UBE2L3: variants seen among roughly 807,000 people sequenced by gnomAD.
The protein encoded by UBE2L3 is ubiquitin conjugating enzyme E2 L3, also known as ubiquitin-conjugating enzyme E2 L3.
A neutral mutation model predicts 17.8 loss-of-function variants in UBE2L3; 1 was observed. The ratio of observed to expected loss-of-function variants is 0.06; its 90% CI spans 0.02 to 0.27. UBE2L3 has a LOEUF of 0.27. UBE2L3 is among the 10% of genes least tolerant of loss of function. UBE2L3 has a pLI of 1.00. For missense variants in UBE2L3, 40 were observed against 192.6 expected (o/e 0.21, Z 4.69); for synonymous variants, 44 against 68.5 (o/e 0.64, Z 1.76).
chr22:21,573,533 C>T (rs959412828), intron 1 of UBE2L3, among the ~76,000 whole-genome samples: 3 of 152,178 alleles, frequency 2.0e-5, no homozygotes, highest in African/African-American at 4.8e-5. Context: ...TGCTAGATGT[C>T]TGCCACCTGA....
chr22:21,617,265 G>GT (rs1281940008), intron 3 of UBE2L3, among the ~76,000 whole-genome samples: 2 of 151,440 alleles, frequency 1.3e-5, no homozygotes, highest in East Asian at 1.9e-4. Context: ...TGGGTTTTTT[G>GT]TTTTTTGTTT....
intron 1 of UBE2L3, among the ~76,000 whole-genome samples, chr22:21,591,839 A>G (rs1201778074): frequency 6.6e-6 from 1 of 152,078 alleles, no homozygotes; most frequent in African/African-American, 2.4e-5. Context: ...ACAGGTGTGG[A>G]GGCGGCTTTT....
intron 1 of UBE2L3, among the ~76,000 whole-genome samples, chr22:21,561,892 CCCAGGG>C (rs1300070231): frequency 2.6e-5 from 4 of 152,196 alleles, no homozygotes; most frequent in African/African-American, 9.6e-5. Context: ...GGCCACTTCT[CCCAGGG>C]CCACAGTTTT....
Position 21,610,568 on chromosome 22 carries a change from C to T in UBE2L3, c.124-289C>T, listed in dbSNP as rs118017448. On this transcript the variant is annotated intron_variant, in intron 2 of 3. Coordinates refer to ENST00000342192, the MANE Select transcript of UBE2L3 (RefSeq NM_003347.4). ...GGTATTTAGGAATTCTCTGTCCTTTCCTCTCAGTTTTGCTGTATACCTAAA... is the reference window on the plus strand; with the variant it reads ...GGTATTTAGGAATTCTCTGTCCTTTTCTCTCAGTTTTGCTGTATACCTAAA... Among the ~76,000 whole-genome samples the T allele has an allele frequency of 3.5e-4, 53 of 152,218 alleles. 1 individual carries two copies. In the East Asian group the frequency reaches 8.7e-3, roughly 25 times the overall value.
rs550249843 is a variant in UBE2L3 at position 21,589,435 on chromosome 22, C to T, written c.28-3426C>T. On this transcript the variant is annotated intron_variant, in intron 1 of 3. Transcript: ENST00000342192. ...ATGCTGGGATTACAGGCGTGAACCACTGCGCCCGGCATGATTGGCATTTTG... is the reference window on the plus strand; with the variant it reads ...ATGCTGGGATTACAGGCGTGAACCATTGCGCCCGGCATGATTGGCATTTTG... 5.6e-4 allele frequency among the ~76,000 whole-genome samples: 86 copies of T among 152,362 alleles called. No homozygotes were observed. In the South Asian group the frequency reaches 7.5e-3, roughly 13 times the overall value.
chr22:21,618,567 C>T (rs1015894915), intron 3 of UBE2L3, among the ~76,000 whole-genome samples: 1 of 151,374 alleles, frequency 6.6e-6, no homozygotes, highest in Admixed American at 6.6e-5. Context: ...CAGAGCGAGA[C>T]TCCATCTCAA....
intron 1 of UBE2L3, among the ~76,000 whole-genome samples, chr22:21,574,507 G>A (rs1293054989): frequency 6.6e-6 from 1 of 152,190 alleles, no homozygotes; most frequent in Non-Finnish European, 1.5e-5. Context: ...GGATTTGGAG[G>A]AGTGATAGGA....
chr22:21,615,554 C>CAAA (rs370703483), intron 3 of UBE2L3, among the ~76,000 whole-genome samples: 3 of 94,252 alleles, frequency 3.2e-5, no homozygotes. Flanking sequence ...GACTCCGTCT[C>CAAA]AAAAAAAAAA....
intron 1 of UBE2L3, 95 bp downstream of exon 1, chr22:21,567,866 T>G: frequency 1.3e-6 from 2 of 1,547,668 alleles, no homozygotes; most frequent in South Asian, 2.4e-5. Flanking sequence ...CGCTGCCGTC[T>G]GGCTTCCTGC....
At chr22:21,609,799 G>A (rs1411752593) in intron 2 of UBE2L3, among the ~76,000 whole-genome samples, 3 of 152,194 alleles carry the variant, frequency 2.0e-5, no homozygotes, top group Non-Finnish European at 2.9e-5. Flanking sequence ...GCCGAGGCAG[G>A]CAGATCACTT....
chr22:21,622,131 C>T lies in UBE2L3; in HGVS notation c.*462C>T, dbSNP rs929648248. 11 of 162,166 alleles carry T rather than the reference C, an allele frequency of 6.8e-5. No individual in the cohort carries two copies. Among genetic ancestry groups the T allele is most frequent in the Non-Finnish European group, 9.3e-5 (7 of 75,060 alleles). 10.0% of individuals were successfully genotyped at this position (162,166 alleles called of 1,614,324 possible). ...CACAAAGGAGAAGAGACTGCCCTGG[C>T]GGTCCTGGTGGCTTTTCTTAGCATG... is the stretch of plus-strand genomic sequence containing the variant. On this transcript the variant is annotated 3_prime_UTR_variant, in exon 4 of 4. Transcript: ENST00000342192.
At chr22:21,572,422 CA>C (rs140497) in intron 1 of UBE2L3, among the ~76,000 whole-genome samples, 8 of 104,798 alleles carry the variant, frequency 7.6e-5, no homozygotes, top group Admixed American at 3.3e-4. Flanking sequence ...GACTCCGTCT[CA>C]AAAAAAAAAA....
At chr22:21,593,742 CGGCAGTGCTGGCATCAT>C (rs1464456373) in intron 2 of UBE2L3, among the ~76,000 whole-genome samples, 1 of 152,154 alleles carries the variant, frequency 6.6e-6, no homozygotes, top group Non-Finnish European at 1.5e-5. Context: ...ACCTCTAGCT[CGGCAGTGCTGGCATCAT>C]GGCCCTTGCT....
At chr22:21,571,661 C>T (rs1009565684) in intron 1 of UBE2L3, among the ~76,000 whole-genome samples, 3 of 152,152 alleles carry the variant, frequency 2.0e-5, no homozygotes, top group Non-Finnish European at 2.9e-5. Flanking sequence ...CGAGGCCTCC[C>T]GAAGTGCTGG....
rs981328599 is a variant in UBE2L3 at position 21,605,803 on chromosome 22, G to C, written c.124-5054G>C. On this transcript the variant is annotated intron_variant, in intron 2 of 3. Transcript: ENST00000342192. ...TTACAGGCATGAGCCACTGCGCCCA[G>C]TCTGTTTTTGGCTTTTTTGAGACAG... 2.6e-5 allele frequency among the ~76,000 whole-genome samples: 4 copies of C among 152,186 alleles called. No homozygotes were observed. In the East Asian group the frequency reaches 5.8e-4, roughly 22 times the overall value.
chr22:21,566,514 A>T (rs1926645771), upstream of UBE2L3, among the ~76,000 whole-genome samples: 1 of 151,598 alleles, frequency 6.6e-6, no homozygotes, highest in Non-Finnish European at 1.5e-5. Context: ...TGAGCCTAGG[A>T]GGTCGAGGCG....
intron 2 of UBE2L3, among the ~76,000 whole-genome samples, chr22:21,594,804 G>A (rs1198247501): frequency 3.3e-5 from 5 of 152,152 alleles, no homozygotes; most frequent in Non-Finnish European, 5.9e-5. Context: ...GAAGATGGCC[G>A]GGACCATCTG....
Position 21,621,861 on chromosome 22 carries a change from T to G in UBE2L3, c.*192T>G, listed in dbSNP as rs373692601. 1 of 545,460 alleles carries G rather than the reference T, an allele frequency of 1.8e-6. No individual in the cohort carries two copies. The highest frequency in any genetic ancestry group is 2.5e-5 in the South Asian group (1 of 39,978). The allele number at this position is 545,460 out of a possible 1,614,324, so 33.8% of individuals were successfully genotyped here. ...AACCTGTAAAGAAAGGATTAAAAAT[T>G]TAAGATGTTCTAGTTCTGCTCTCTT... On this transcript the variant is annotated 3_prime_UTR_variant, in exon 4 of 4. Coordinates refer to ENST00000342192, the MANE Select transcript of UBE2L3 (RefSeq NM_003347.4).
upstream of UBE2L3, among the ~76,000 whole-genome samples, chr22:21,564,266 T>G (rs982427699): frequency 6.6e-6 from 1 of 152,098 alleles, no homozygotes; most frequent in Non-Finnish European, 1.5e-5. Flanking sequence ...ACTCTTTGGC[T>G]CAAGCAATCC....
Sources: allele counts gnomAD v4.1 joint callset (sites outside exome capture counted in the v4.1 genomes callset), GRCh38; gene constraint gnomAD v4.1.1; transcripts MANE v1.5; gene names NCBI Gene and HGNC (gene_info 2026-07-23, HGNC 2026-07-21).